The following CASK variants were observed in gnomAD, a reference collection of about 807,000 sequenced individuals.
The protein encoded by CASK is calcium/calmodulin dependent serine protein kinase, also known as peripheral plasma membrane protein CASK.
CASK carries 4 observed loss-of-function variants against 82.9 expected under a neutral mutation model. The observed-to-expected ratio is 0.05, with a 90% confidence interval of 0.02 to 0.11. The LOEUF (loss-of-function observed/expected upper bound fraction) is 0.11, where lower values mean the gene tolerates loss of function less well. Ranked by LOEUF, CASK falls within the 10% of genes least tolerant of loss-of-function variation. CASK has a pLI of 1.00. For synonymous variants in CASK, 259 were observed against 253.5 expected, an observed-to-expected ratio of 1.02 and a Z score of -0.20; for missense variants, 358 against 720.9, an observed-to-expected ratio of 0.50 and a Z score of 5.76.
intron 21 of CASK, 26 bp downstream of exon 21, chrX:41,553,688 CAAGCA>C: frequency 9.2e-7 from 1 of 1,090,806 alleles, no homozygotes; most frequent in Non-Finnish European, 1.3e-6. Context: ...TTTTTATAAC[CAAGCA>C]AAGCAAAACA....
intron 1 of CASK, among the ~76,000 whole-genome samples, chrX:41,858,814 AG>A (rs771028401): frequency 9.0e-6 from 1 of 111,158 alleles, no homozygotes; most frequent in East Asian, 2.8e-4. Flanking sequence ...ATACAAACAT[AG>A]GGGGTAAAGC....
chrX:41,530,728 C>G (rs927277892), intron 25 of CASK, among the ~76,000 whole-genome samples: 23 of 112,087 alleles, frequency 2.1e-4, no homozygotes, highest in Non-Finnish European at 3.4e-4. Flanking sequence ...TTCTGGCAGG[C>G]GTAGACACAA....
intron 1 of CASK, among the ~76,000 whole-genome samples, chrX:41,912,808 A>ATG (rs1556308147): frequency 1.1e-5 from 1 of 93,083 alleles, no homozygotes; most frequent in Admixed American, 1.2e-4. Flanking sequence ...ATATATATAT[A>ATG]AAATATATAT....
At chrX:41,722,372 T>C (rs762720431) in intron 5 of CASK, among the ~76,000 whole-genome samples, 4 of 112,501 alleles carry the variant, frequency 3.6e-5, no homozygotes, top group Non-Finnish European at 7.5e-5. Flanking sequence ...CTTCAGAGGC[T>C]AGATCACAAA....
At position 41,559,795 on chromosome X, in the gene CASK, T is replaced by C. The variant is rs1174046579; in HGVS notation, c.1721A>G (p.Gln574Arg). Residue 574 changes from glutamine to arginine, a missense_variant, in exon 18 of 27, where the codon CAG becomes CGG. Physicochemically the swap from Gln to Arg is conservative, Grantham distance 43. Around this residue, in one of 5 missense-constraint regions of CASK, gnomAD observed 41 missense variants for 39.4 expected, o/e 1.04. Coordinates refer to ENST00000378163, the MANE Select transcript of CASK (RefSeq NM_001367721.1). ...AGTCATTACCTCACAGGACGAAGACTGAGTGCGGTAACTTGGCACAATCTT... is the reference window on the plus strand; with the variant it reads ...AGTCATTACCTCACAGGACGAAGACCGAGTGCGGTAACTTGGCACAATCTT... ...TFKIVPSYRT[Q>R]SSSCERDSPS... The C allele has an allele frequency of 2.5e-6, 3 of 1,210,230 alleles. No homozygotes were observed. The highest frequency in any genetic ancestry group is 3.0e-5 in the East Asian group (1 of 33,864).
chrX:41,541,867 G>A (rs1252397508), intron 22 of CASK, among the ~76,000 whole-genome samples: 2 of 111,610 alleles, frequency 1.8e-5, no homozygotes, highest in African/African-American at 6.5e-5. Flanking sequence ...CTCAGAAAAA[G>A]TTCCTTATAA....
In CASK at chrX:41,794,657, G is replaced by A. The variant is rs1423083507; in HGVS notation, c.173-7374C>T. Among the ~76,000 whole-genome samples the A allele has an allele frequency of 2.7e-5, 3 of 112,204 alleles. No homozygotes were observed. In the Admixed American group the frequency reaches 2.8e-4, roughly 11 times the overall value. On this transcript the variant is annotated intron_variant, in intron 2 of 26. Coordinates refer to ENST00000378163, the MANE Select transcript of CASK (RefSeq NM_001367721.1). ...AGAGCCCGAAGGAACTTTGTGGGAT[G>A]ACAGAATGCATACATTTGTCAAAAC...
At position 41,896,219 on chromosome X, in the gene CASK, C is replaced by T. The variant is rs929599272; in HGVS notation, c.59+26711G>A. On this transcript the variant is annotated intron_variant, in intron 1 of 26. Coordinates refer to ENST00000378163, the MANE Select transcript of CASK (RefSeq NM_001367721.1). ...AGCTGACTGGCTTAAGAAAAAAGAA[C>T]TGATAGGCTCCCCATAAATAGCCAG... Among the ~76,000 whole-genome samples, 11 of 112,050 alleles carry T rather than the reference C, an allele frequency of 9.8e-5. No homozygotes were observed. The Admixed American group carries it at 1.0e-3, about 11-fold the overall frequency.
chrX:41,740,069 C>CA (rs1036660859), intron 4 of CASK, among the ~76,000 whole-genome samples: 1 of 111,925 alleles, frequency 8.9e-6, no homozygotes, highest in Non-Finnish European at 1.9e-5. Context: ...GAGGAGCCCT[C>CA]ATGGAGCACA....
intron 5 of CASK, among the ~76,000 whole-genome samples, chrX:41,698,620 T>G (rs777312968): frequency 7.2e-5 from 8 of 111,761 alleles, no homozygotes; most frequent in African/African-American, 2.3e-4. Context: ...ACCATACAGT[T>G]GCAATCTAGG....
chrX:41,675,714 T>C, intron 5 of CASK: 1 of 1,107,203 alleles, frequency 9.0e-7, no homozygotes, highest in Non-Finnish European at 1.2e-6. Context: ...AATGGTCTAC[T>C]GTGTAAATTT....
intron 7 of CASK, among the ~76,000 whole-genome samples, chrX:41,660,841 A>T (rs1358790256): frequency 8.9e-6 from 1 of 112,318 alleles, no homozygotes; most frequent in African/African-American, 3.2e-5. Flanking sequence ...TCATTATTCC[A>T]GTTTCTATCT....
At chrX:41,568,284 GGC>G (rs2065354422) in intron 16 of CASK, among the ~76,000 whole-genome samples, 2 of 110,057 alleles carry the variant, frequency 1.8e-5, no homozygotes, top group Admixed American at 1.9e-4. Flanking sequence ...ATGATGTTGT[GGC>G]TTTACTGAAC....
chrX:41,895,528 C>T lies in CASK; in HGVS notation c.59+27402G>A, dbSNP rs946828142. Among the ~76,000 whole-genome samples the T allele has an allele frequency of 8.1e-5, 9 of 111,324 alleles. No individual in the cohort carries two copies. The East Asian group carries it at 1.1e-3, about 14-fold the overall frequency. ...AAGAGAAGGTGTCAAGGGAGGGAGG[C>T]GCTTTTGTTTAAACATAACTGATCA... On this transcript the variant is annotated intron_variant, in intron 1 of 26. Transcript: ENST00000378163.
chrX:41,611,622 C>CCT (rs1246449968), intron 11 of CASK, among the ~76,000 whole-genome samples: 1 of 74,414 alleles, frequency 1.3e-5, no homozygotes, highest in Non-Finnish European at 2.8e-5. Flanking sequence ...TCTCCCTCTC[C>CCT]CTCTCTCTCT....
At chrX:41,752,478 T>C (rs1466940559) in intron 3 of CASK, among the ~76,000 whole-genome samples, 1 of 110,330 alleles carries the variant, frequency 9.1e-6, no homozygotes, top group Non-Finnish European at 1.9e-5. Context: ...TTAGTAGAGA[T>C]AGGGTTTTTC....
chrX:41,818,940 T>TA (rs967407788), intron 2 of CASK, among the ~76,000 whole-genome samples: 31 of 110,434 alleles, frequency 2.8e-4, no homozygotes, highest in Admixed American at 1.8e-3. Context: ...AAATTTCTAT[T>TA]AAAAAAAAGG....
In CASK at chrX:41,627,928, C is replaced by T. The variant is rs759460495; in HGVS notation, c.916-1225G>A. ...CTGAGGCAGGAGAATTGCTTGAACC[C>T]GGGAGGCAGAGGTTGCGGTGAGCCG... On this transcript the variant is annotated intron_variant, in intron 9 of 26. Coordinates refer to ENST00000378163, the MANE Select transcript of CASK (RefSeq NM_001367721.1). 1.1e-4 allele frequency among the ~76,000 whole-genome samples: 12 copies of T among 111,351 alleles called. No individual in the cohort carries two copies. In the East Asian group the frequency reaches 3.4e-3, roughly 32 times the overall value.
At chrX:41,858,963 A>G (rs912972524) in intron 1 of CASK, among the ~76,000 whole-genome samples, 2 of 111,667 alleles carry the variant, frequency 1.8e-5, no homozygotes, top group Non-Finnish European at 3.8e-5. Context: ...AATAAAGTCA[A>G]TATGAATTGT....
Sources: allele counts gnomAD v4.1 joint callset (sites outside exome capture counted in the v4.1 genomes callset), GRCh38; gene constraint gnomAD v4.1.1; regional missense constraint gnomAD v4.1.1; transcripts MANE v1.5; gene names NCBI Gene and HGNC (gene_info 2026-07-23, HGNC 2026-07-21).